Variants in MYO9A observed in about 807,000 individuals in gnomAD.
MYO9A encodes myosin IXA.
Under a neutral mutation model 293.3 loss-of-function variants are expected in MYO9A, and 103 were observed. That is an observed-to-expected ratio of 0.35 (90% CI 0.30 to 0.41). The LOEUF is 0.41. Among genes scored for constraint, MYO9A ranks in the 10% least tolerant of loss-of-function variants. The pLI is 1.00. For synonymous variants in MYO9A, 1,001 were observed against 1,035.7 expected (o/e 0.97, Z 0.64); for missense variants, 2,685 against 3,033.0 (o/e 0.89, Z 2.69).
chr15:72,042,091 G>A (rs1335012503), intron 2 of MYO9A, among the ~76,000 whole-genome samples: 1 of 138,280 alleles, frequency 7.2e-6, no homozygotes, highest in Non-Finnish European at 1.5e-5. Context: ...CATCCTATGA[G>A]ACTTGATAAT....
At chr15:72,047,830 T>C (rs1286341745) in intron 1 of MYO9A, among the ~76,000 whole-genome samples, 1 of 123,162 alleles carries the variant, frequency 8.1e-6, no homozygotes, top group African/African-American at 3.1e-5. Context: ...CAGGCTAGAG[T>C]ACAGCGGCAT....
intron 1 of MYO9A, among the ~76,000 whole-genome samples, chr15:72,066,314 C>T (rs891033037): frequency 1.3e-5 from 2 of 152,058 alleles, no homozygotes; most frequent in South Asian, 2.1e-4. Context: ...TGGTGAAACC[C>T]GCCTCTACTA....
intron 32 of MYO9A, among the ~76,000 whole-genome samples, chr15:71,865,693 C>G (rs1023819712): frequency 6.6e-6 from 1 of 152,124 alleles, no homozygotes; most frequent in Admixed American, 6.5e-5. Flanking sequence ...AGTACAGTTT[C>G]TTTTTGGGAT....
chr15:71,863,772 C>T (rs565302944), intron 32 of MYO9A, among the ~76,000 whole-genome samples: 6 of 152,180 alleles, frequency 3.9e-5, no homozygotes, highest in Admixed American at 3.3e-4. Context: ...ACTCAAATAA[C>T]GTGTATTGTA....
intron 1 of MYO9A, among the ~76,000 whole-genome samples, chr15:72,065,428 T>C (rs1389842404): frequency 6.7e-6 from 1 of 149,146 alleles, no homozygotes; most frequent in Non-Finnish European, 1.5e-5. Context: ...GGCAGGAGAA[T>C]GGCTTGAACC....
At chr15:71,921,333 A>G (rs1354586325) in intron 18 of MYO9A, among the ~76,000 whole-genome samples, 1 of 152,252 alleles carries the variant, frequency 6.6e-6, no homozygotes, top group Admixed American at 6.5e-5. Context: ...GTGTCATCTC[A>G]GAGTCATAGT....
At position 71,971,156 on chromosome 15, in the gene MYO9A, G is replaced by C. The variant is rs1467140448; in HGVS notation, c.1845-3031C>G. The stretch of plus-strand genomic sequence containing the variant: ...AGCCTGGGCGACAGAGCGAGACTCC[G>C]TATCAGAAAAAATTAAAAAAAAAAA... On this transcript the variant is annotated intron_variant, in intron 12 of 41. Transcript: ENST00000356056. 8.0e-5 allele frequency among the ~76,000 whole-genome samples: 12 copies of C among 149,818 alleles called. No individual in the cohort carries two copies. In the South Asian group the frequency reaches 2.6e-3, roughly 32 times the overall value.
At chr15:71,964,697 G>GA (rs1204349615) in intron 13 of MYO9A, among the ~76,000 whole-genome samples, 4 of 152,034 alleles carry the variant, frequency 2.6e-5, no homozygotes, top group South Asian at 4.2e-4. Context: ...TGAGGCAGGA[G>GA]AATCACTTGA....
At chr15:71,944,631 G>C (rs2058862955) in intron 15 of MYO9A, among the ~76,000 whole-genome samples, 1 of 151,944 alleles carries the variant, frequency 6.6e-6, no homozygotes, top group Non-Finnish European at 1.5e-5. Context: ...AAATTATCTT[G>C]GTGCCTTAAC....
intron 9 of MYO9A, among the ~76,000 whole-genome samples, chr15:71,996,598 C>T (rs1310260422): frequency 6.6e-6 from 1 of 151,902 alleles, no homozygotes; most frequent in African/African-American, 2.4e-5. Flanking sequence ...GCTGTGTAAA[C>T]CAGAAATGCA....
intron 1 of MYO9A, among the ~76,000 whole-genome samples, chr15:72,107,626 T>C (rs1374767794): frequency 6.6e-6 from 1 of 151,936 alleles, no homozygotes; most frequent in East Asian, 1.9e-4. Context: ...AGACAAAGCT[T>C]CTTGGAGAAA....
chr15:71,899,915 A>G lies in MYO9A; in HGVS notation c.3242T>C (p.Leu1081Pro). The G allele has an allele frequency of 6.2e-7, 1 of 1,614,080 alleles. No homozygotes were observed. The highest frequency in any genetic ancestry group is 1.7e-4 in the Middle Eastern group (1 of 6,058). Residue 1081 changes from leucine to proline, a missense_variant, in exon 24 of 42, where the codon CTC becomes CCC. Physicochemically the swap from Leu to Pro is moderately conservative, Grantham distance 98. Around this residue, in one of 10 missense-constraint regions of MYO9A, gnomAD observed 1,434 missense variants for 1,497.7 expected, o/e 0.96. Transcript: ENST00000356056. ...TAAGTGAGCACGCCAGGAAGCTTGG[A>G]GAAGAGCAGCTGCACTAGCCATAAC... ...AFVMASAAAL[L>P]QASWRAHLER... is the part of the protein sequence containing the mutation.
chr15:72,107,564 AT>A (rs35851921), intron 1 of MYO9A, among the ~76,000 whole-genome samples: 6,709 of 151,676 alleles, frequency 0.044, 263 homozygotes, highest in East Asian at 0.18. Context: ...TCCAAAAAAT[AT>A]TTTTTTTAAT....
chr15:72,099,909 C>CATAA (rs1555425567), intron 1 of MYO9A, among the ~76,000 whole-genome samples: 1 of 39,818 alleles, frequency 2.5e-5, no homozygotes, highest in Admixed American at 4.2e-4. Flanking sequence ...GACTTGGTCT[C>CATAA]AAAAAAAAAA....
intron 8 of MYO9A, among the ~76,000 whole-genome samples, chr15:72,000,697 T>TGGTGCGATC (rs1305602154): frequency 1.3e-5 from 2 of 152,214 alleles, no homozygotes; most frequent in Non-Finnish European, 2.9e-5. Context: ...TGCAGTGCAG[T>TGGTGCGATC]GGTGCGATCT....
In MYO9A at chr15:72,074,951, C is replaced by CTTTTTTTTTTTTT. The variant is rs750462703; in HGVS notation, c.-71-28330_-71-28318dup. On this transcript the variant is annotated intron_variant, in intron 1 of 41. Coordinates refer to ENST00000356056, the MANE Select transcript of MYO9A (RefSeq NM_006901.4). Reference sequence around the variant, plus strand: ...CAGTTAGAAATTTCATTTTCACTGCCTTTTTTTTTTTTTTTTTTTTTTTTT... The same window carrying CTTTTTTTTTTTTT: ...CAGTTAGAAATTTCATTTTCACTGCCTTTTTTTTTTTTTTTTTTTTTTTTTTTTTTTTTTTTTT... Among the ~76,000 whole-genome samples the CTTTTTTTTTTTTT allele has an allele frequency of 4.0e-4, 21 of 53,130 alleles. 1 individual carries two copies. The highest frequency in any genetic ancestry group is 7.2e-4 in the Admixed American group (2 of 2,790). The allele number at this position is 53,130 out of a possible 152,430, so 34.9% of individuals were successfully genotyped here. A position where few individuals can be genotyped will look rare whatever the true frequency, so the allele number is the denominator to read the frequency against.
chr15:71,895,440 T>A (rs1296310648), intron 25 of MYO9A, among the ~76,000 whole-genome samples: 1 of 152,200 alleles, frequency 6.6e-6, no homozygotes, highest in Non-Finnish European at 1.5e-5. Context: ...TAGTATTACT[T>A]TCTAATTATA....
intron 1 of MYO9A, chr15:72,116,982 T>C (rs1482915218): frequency 6.6e-6 from 1 of 152,168 alleles, no homozygotes; most frequent in Non-Finnish European, 1.5e-5. Context: ...TACATTAGGC[T>C]AAGCAAATAT....
At chr15:72,015,750 T>C (rs946966014) in intron 6 of MYO9A, among the ~76,000 whole-genome samples, 2 of 146,254 alleles carry the variant, frequency 1.4e-5, no homozygotes, top group African/African-American at 5.1e-5. Flanking sequence ...TGCAGTGGCG[T>C]GATCTCGGCT....
Sources: gnomAD v4.1 joint callset for allele counts (sites outside exome capture counted in the v4.1 genomes callset) on GRCh38, gnomAD v4.1.1 for gene constraint, gnomAD v4.1.1 regional missense constraint, MANE v1.5 for transcripts, NCBI Gene and HGNC (gene_info 2026-07-23, HGNC 2026-07-21) for gene names.